The following CCDC178 variants were observed in gnomAD, a reference collection of about 807,000 sequenced individuals.
The protein encoded by CCDC178 is coiled-coil domain-containing protein 178.
In CCDC178, 126 loss-of-function variants were observed where a neutral mutation model predicts 117.4. That is an observed-to-expected ratio of 1.07 (90% confidence interval 0.93 to 1.24). The LOEUF (loss-of-function observed/expected upper bound fraction) is 1.24, where lower values mean the gene tolerates loss of function less well. Ranked by LOEUF, CCDC178 falls within the 50% of genes most tolerant of loss-of-function variation. CCDC178 has a pLI of 0.00. For missense variants in CCDC178, 1,030 were observed against 986.9 expected (o/e 1.04, Z -0.59); for synonymous variants, 283 against 313.4 (o/e 0.90, Z 1.02).
intron 3 of CCDC178, among the ~76,000 whole-genome samples, chr18:33,403,936 G>T (rs548695594): frequency 6.6e-6 from 1 of 152,212 alleles, no homozygotes; most frequent in African/African-American, 2.4e-5. Context: ...TAGAAGAAGG[G>T]GAAAAGTAGT....
chr18:33,142,855 A>G (rs928486024), intron 20 of CCDC178, among the ~76,000 whole-genome samples: 3 of 152,196 alleles, frequency 2.0e-5, no homozygotes, highest in Non-Finnish European at 4.4e-5. Context: ...AAAGTAATGG[A>G]AGTAATAGAA....
intron 22 of CCDC178, among the ~76,000 whole-genome samples, chr18:32,955,234 T>G (rs1227266089): frequency 1.3e-5 from 2 of 152,202 alleles, no homozygotes; most frequent in African/African-American, 4.8e-5. Flanking sequence ...CAGGATGAAG[T>G]TGAAGCTTCT....
At chr18:33,201,747 GAA>G (rs2058991523) in intron 20 of CCDC178, among the ~76,000 whole-genome samples, 1 of 152,160 alleles carries the variant, frequency 6.6e-6, no homozygotes, top group Admixed American at 6.5e-5. Context: ...GAAGCTAAAG[GAA>G]GCAAGCAGTA....
intron 21 of CCDC178, among the ~76,000 whole-genome samples, chr18:33,077,461 T>C (rs897061609): frequency 2.6e-5 from 4 of 152,094 alleles, no homozygotes; most frequent in Non-Finnish European, 4.4e-5. Context: ...TAATCCAATA[T>C]GACTGATATC....
chr18:33,310,198 A>G (rs1372136006), intron 11 of CCDC178, among the ~76,000 whole-genome samples: 1 of 151,992 alleles, frequency 6.6e-6, no homozygotes, highest in Non-Finnish European at 1.5e-5. Flanking sequence ...TGACCTCATG[A>G]TCCACCCACC....
rs546085294 is a variant in CCDC178, at chr18:33,207,574, T to C, written c.2238+4322A>G. Among the ~76,000 whole-genome samples, 4 of 151,140 alleles carry C rather than the reference T, an allele frequency of 2.6e-5. No individual in the cohort carries two copies. In the South Asian group the frequency reaches 8.4e-4, roughly 32 times the overall value. ...AGAAAATCATAATATCTAAAGTATG[T>C]TCATTGGGTATTAGCACAACTATAT... On this transcript the variant is annotated intron_variant, in intron 20 of 22. Transcript: ENST00000383096.
intron 20 of CCDC178, among the ~76,000 whole-genome samples, chr18:33,188,847 T>G (rs534109417): frequency 6.6e-6 from 1 of 152,180 alleles, no homozygotes; most frequent in Non-Finnish European, 1.5e-5. Flanking sequence ...TGTGGAAATA[T>G]GTTATGGCAG....
intron 15 of CCDC178, among the ~76,000 whole-genome samples, chr18:33,230,042 C>T (rs1220575953): frequency 6.6e-6 from 1 of 152,116 alleles, no homozygotes; most frequent in Non-Finnish European, 1.5e-5. Flanking sequence ...TACTGATTGC[C>T]TACATTGGGC....
Position 33,433,790 on chromosome 18 carries a change from TTG to T in CCDC178, c.-23+6170_-23+6171del, listed in dbSNP as rs5823897. On this transcript the variant is annotated intron_variant, in intron 2 of 22. Transcript: ENST00000383096. Reference sequence around the variant, plus strand: ...CTGACCAATAATTCAATAGCAGAATTTGTGTGTGTGTGTGTGTGTGTGGAAAG... The same window carrying T: ...CTGACCAATAATTCAATAGCAGAATTTGTGTGTGTGTGTGTGTGTGGAAAG... Among the ~76,000 whole-genome samples, 1,335 of 149,386 alleles carry T rather than the reference TTG, an allele frequency of 8.9e-3. 18 individuals carry two copies. Among genetic ancestry groups the T allele is most frequent in the African/African-American group, 0.031 (1,261 of 40,736 alleles).
In CCDC178 at chr18:33,428,036, C is replaced by T. The variant is rs1184300652; in HGVS notation, c.-23+11926G>A. ...AAAATAAATTTTGATAAATTTGAAG[C>T]TTCAAAATTCTTATGAAAAAACTAT... On this transcript the variant is annotated intron_variant, in intron 2 of 22. Transcript: ENST00000383096. 2.0e-5 allele frequency among the ~76,000 whole-genome samples: 3 copies of T among 152,106 alleles called. No individual in the cohort carries two copies. The South Asian group carries it at 6.2e-4, about 32-fold the overall frequency.
At chr18:33,373,745 A>G (rs955804875) in intron 5 of CCDC178, among the ~76,000 whole-genome samples, 1 of 152,304 alleles carries the variant, frequency 6.6e-6, no homozygotes, top group South Asian at 2.1e-4. Flanking sequence ...AGTGCCTTAA[A>G]TAATTATTGA....
Position 33,175,393 on chromosome 18 carries a change from G to A in CCDC178, c.2238+36503C>T, listed in dbSNP as rs1328902115. 2.0e-5 allele frequency among the ~76,000 whole-genome samples: 3 copies of A among 151,184 alleles called. No individual in the cohort carries two copies. The East Asian group carries it at 5.9e-4, about 30-fold the overall frequency. ...AGTTTTGTGGGGTTTTTTTTCTTTA[G>A]ATGGGCTCTTGCTATGTTGCCCAGG... On this transcript the variant is annotated intron_variant, in intron 20 of 22. Coordinates refer to ENST00000383096, the MANE Select transcript of CCDC178 (RefSeq NM_001105528.4).
At chr18:32,950,571 T>C (rs1466154277) in intron 22 of CCDC178, among the ~76,000 whole-genome samples, 1 of 152,262 alleles carries the variant, frequency 6.6e-6, no homozygotes, top group East Asian at 1.9e-4. Flanking sequence ...TTAAAAACAT[T>C]TCCTGGTTTC....
At chr18:33,236,410 T>G (rs1478233580) in intron 15 of CCDC178, among the ~76,000 whole-genome samples, 5 of 152,134 alleles carry the variant, frequency 3.3e-5, no homozygotes, top group Admixed American at 2.0e-4. Flanking sequence ...GAAGCAGATA[T>G]GCATGTGTAT....
chr18:33,379,015 C>T (rs960003187), intron 5 of CCDC178, among the ~76,000 whole-genome samples: 1 of 150,886 alleles, frequency 6.6e-6, no homozygotes, highest in African/African-American at 2.4e-5. Flanking sequence ...GGATTAGTTT[C>T]TTCTCATCTG....
intron 21 of CCDC178, among the ~76,000 whole-genome samples, chr18:33,008,357 G>A (rs1453806227): frequency 6.6e-6 from 1 of 152,038 alleles, no homozygotes. Context: ...CTTTGTCTGT[G>A]TCAGTGTAGT....
intron 20 of CCDC178, among the ~76,000 whole-genome samples, chr18:33,170,288 C>T (rs117554760): frequency 0.042 from 6,345 of 152,186 alleles, 196 homozygotes; most frequent in Middle Eastern, 0.075. Context: ...ACAAGAAAGA[C>T]TGTGAAATCT....
intron 21 of CCDC178, among the ~76,000 whole-genome samples, chr18:33,030,540 G>GATAC (rs1440493619): frequency 8.6e-5 from 13 of 151,852 alleles, no homozygotes; most frequent in African/African-American, 2.7e-4. Flanking sequence ...TAGATAGATA[G>GATAC]ATAGATAGAT....
At chr18:33,124,890 G>T (rs1004525070) in intron 20 of CCDC178, among the ~76,000 whole-genome samples, 15 of 152,288 alleles carry the variant, frequency 9.8e-5, no homozygotes, top group African/African-American at 3.6e-4. Flanking sequence ...AAGGATACCT[G>T]TAAGCATGTG....
Sources: allele counts gnomAD v4.1 joint callset (sites outside exome capture counted in the v4.1 genomes callset), GRCh38; gene constraint gnomAD v4.1.1; transcripts MANE v1.5; gene names NCBI Gene and HGNC (gene_info 2026-07-23, HGNC 2026-07-21).